Variants in CDH6 observed in about 807,000 individuals in gnomAD.
CDH6 encodes the protein cadherin-6.
A neutral mutation model predicts 78.0 loss-of-function variants in CDH6; 31 were observed. That is an observed-to-expected ratio of 0.40 (90% CI 0.30 to 0.54). CDH6 has a LOEUF of 0.54. Ranked by LOEUF, CDH6 falls within the 20% of genes least tolerant of loss-of-function variation. CDH6 has a pLI of 0.56. For missense variants in CDH6, 724 were observed against 975.9 expected (o/e 0.74, Z 3.44); for synonymous variants, 376 against 368.8 (o/e 1.02, Z -0.23).
intron 1 of CDH6, among the ~76,000 whole-genome samples, chr5:31,236,289 G>A (rs1741452222): frequency 6.6e-6 from 1 of 152,116 alleles, no homozygotes; most frequent in Non-Finnish European, 1.5e-5. Context: ...TATCCTCATT[G>A]TACTCTATAG....
intron 1 of CDH6, among the ~76,000 whole-genome samples, chr5:31,257,860 A>G (rs1475533812): frequency 6.6e-6 from 1 of 152,220 alleles, no homozygotes; most frequent in East Asian, 1.9e-4. Context: ...TGCTGTTTCC[A>G]TGAGCAAAAT....
intron 1 of CDH6, among the ~76,000 whole-genome samples, chr5:31,242,822 C>T (rs1741643448): frequency 6.6e-6 from 1 of 150,936 alleles, no homozygotes; most frequent in East Asian, 1.9e-4. Context: ...AGGAGCTTGC[C>T]ACCAGCCTGG....
At chr5:31,270,284 C>T (rs1055522391) in intron 2 of CDH6, among the ~76,000 whole-genome samples, 2 of 152,228 alleles carry the variant, frequency 1.3e-5, no homozygotes, top group South Asian at 4.2e-4. Context: ...AAAGAAATAC[C>T]TTATAGTGCC....
intron 11 of CDH6, chr5:31,318,212 A>C: frequency 1.7e-6 from 1 of 590,324 alleles, no homozygotes; most frequent in South Asian, 2.1e-5. Context: ...AGGGCAACAT[A>C]AATGTGCCCT....
intron 1 of CDH6, among the ~76,000 whole-genome samples, chr5:31,222,548 T>C (rs1305003728): frequency 2.0e-5 from 3 of 152,176 alleles, no homozygotes; most frequent in East Asian, 1.9e-4. Context: ...CAGATATCAG[T>C]GCAATTAGAA....
At chr5:31,318,660 T>A (rs1284883295) in intron 11 of CDH6, 1 of 229,786 alleles carries the variant, frequency 4.4e-6, no homozygotes, top group African/African-American at 2.2e-5. Context: ...AACAGGTCCT[T>A]GACTGTGAAC....
chr5:31,251,763 C>T (rs937660510), intron 1 of CDH6: 2 of 152,178 alleles, frequency 1.3e-5, no homozygotes, highest in Non-Finnish European at 2.9e-5. Flanking sequence ...ATGAATGTTA[C>T]TCTTCTCACA....
At chr5:31,293,839 A>AAT (rs1737492464) in intron 2 of CDH6, 123 bp from the exon 3 acceptor site, 1 of 574,004 alleles carries the variant, frequency 1.7e-6, no homozygotes, top group African/African-American at 1.9e-5. Context: ...GTAAAAAAAA[A>AAT]AAAACTTGTA....
At chr5:31,262,891 G>C (rs984378612) in intron 1 of CDH6, among the ~76,000 whole-genome samples, 1 of 152,082 alleles carries the variant, frequency 6.6e-6, no homozygotes, top group African/African-American at 2.4e-5. Context: ...AGTTCTCAAA[G>C]TTGCGCTGCT....
At chr5:31,293,682 A>C (rs1353539727) in intron 2 of CDH6, among the ~76,000 whole-genome samples, 1 of 152,128 alleles carries the variant, frequency 6.6e-6, no homozygotes, top group African/African-American at 2.4e-5. Flanking sequence ...CCACCTTGCT[A>C]TTGCTCTTGC....
intron 10 of CDH6, 75 bp downstream of exon 10, chr5:31,317,567 A>G: frequency 6.6e-7 from 1 of 1,514,136 alleles, no homozygotes; most frequent in East Asian, 2.3e-5. Flanking sequence ...ATATGTGTAT[A>G]TGTATATGTA....
intron 1 of CDH6, among the ~76,000 whole-genome samples, chr5:31,246,069 A>G (rs1741739556): frequency 6.6e-6 from 1 of 151,458 alleles, no homozygotes; most frequent in South Asian, 2.1e-4. Flanking sequence ...CACCACACCC[A>G]GCTAAATTTT....
intron 6 of CDH6, among the ~76,000 whole-genome samples, chr5:31,303,067 A>G (rs1180543423): frequency 6.6e-6 from 1 of 152,166 alleles, no homozygotes; most frequent in Non-Finnish European, 1.5e-5. Context: ...AATTCTATAC[A>G]TCCAATGAAT....
chr5:31,302,096 T>C lies in CDH6; in HGVS notation c.812-15T>C. ...TTAGTCTATGTTTGACTTATATCTG[T>C]CTGGTGATTAATAGGTACATACCAG... On this transcript the variant is annotated splice_polypyrimidine_tract_variant and intron_variant, in intron 5 of 11. Coordinates refer to ENST00000265071, the MANE Select transcript of CDH6 (RefSeq NM_004932.4). The C allele has an allele frequency of 6.3e-7, 1 of 1,577,968 alleles. No homozygotes were observed. The highest frequency in any genetic ancestry group is 8.7e-7 in the Non-Finnish European group (1 of 1,152,152).
chr5:31,211,693 GT>G (rs1223163969), intron 1 of CDH6, among the ~76,000 whole-genome samples: 3 of 152,078 alleles, frequency 2.0e-5, no homozygotes, highest in Non-Finnish European at 4.4e-5. Flanking sequence ...TTAGGTGGTT[GT>G]GATGTATGCC....
At chr5:31,248,489 C>T (rs1741820106) in intron 1 of CDH6, among the ~76,000 whole-genome samples, 1 of 152,228 alleles carries the variant, frequency 6.6e-6, no homozygotes, top group South Asian at 2.1e-4. Flanking sequence ...TATTTCATGA[C>T]AGCCTTCTCT....
intron 1 of CDH6, among the ~76,000 whole-genome samples, chr5:31,262,438 A>G (rs1742234897): frequency 6.6e-6 from 1 of 152,228 alleles, no homozygotes; most frequent in South Asian, 2.1e-4. Flanking sequence ...TTCCCTGTAG[A>G]AAATAGAAAG....
intron 1 of CDH6, among the ~76,000 whole-genome samples, chr5:31,266,330 G>A (rs1212148769): frequency 1.3e-5 from 2 of 152,060 alleles, no homozygotes; most frequent in African/African-American, 4.8e-5. Context: ...TGACTTTTTT[G>A]TTACAGTTTG....
At chr5:31,243,485 C>T (rs1741659516) in intron 1 of CDH6, among the ~76,000 whole-genome samples, 1 of 152,170 alleles carries the variant, frequency 6.6e-6, no homozygotes, top group African/African-American at 2.4e-5. Flanking sequence ...CTTTCAATTT[C>T]TACTTGCAGC....
Sources: gnomAD v4.1 joint callset for allele counts (sites outside exome capture counted in the v4.1 genomes callset) on GRCh38, gnomAD v4.1.1 for gene constraint, MANE v1.5 for transcripts, NCBI Gene and HGNC (gene_info 2026-07-23, HGNC 2026-07-21) for gene names.